Variants in CDC14B observed in about 807,000 individuals in gnomAD.
The protein encoded by CDC14B is cell division cycle 14B.
Under a neutral mutation model 64.2 loss-of-function variants are expected in CDC14B, and 22 were observed. The ratio of observed to expected loss-of-function variants is 0.34; its 90% CI spans 0.24 to 0.49. The LOEUF (loss-of-function observed/expected upper bound fraction) is 0.49, where lower values mean the gene tolerates loss of function less well. CDC14B is among the 20% of genes least tolerant of loss of function. CDC14B has a pLI of 0.99. For synonymous variants in CDC14B, 191 were observed against 215.8 expected, an observed-to-expected ratio of 0.89 and a Z score of 1.01; for missense variants, 498 against 629.9, an observed-to-expected ratio of 0.79 and a Z score of 2.24.
intron 4 of CDC14B, 110 bp downstream of exon 4, chr9:96,562,583 T>G: frequency 1.3e-6 from 1 of 795,336 alleles, no homozygotes. Flanking sequence ...AAACACGTTC[T>G]TTCTGAAGAG....
At chr9:96,618,958 C>T (rs1435074069) in intron 1 of CDC14B, among the ~76,000 whole-genome samples, 1 of 152,106 alleles carries the variant, frequency 6.6e-6, no homozygotes, top group South Asian at 2.1e-4. Flanking sequence ...AGGTGACCCT[C>T]GGTCCATCTT....
At chr9:96,566,358 A>ATT (rs201974662) in intron 1 of CDC14B, among the ~76,000 whole-genome samples, 116 of 140,916 alleles carry the variant, frequency 8.2e-4, no homozygotes, top group Non-Finnish European at 1.2e-3. Flanking sequence ...ATGGTAAACT[A>ATT]TTTTTTTTTT....
chr9:96,520,850 G>A (rs534909749), intron 12 of CDC14B, among the ~76,000 whole-genome samples: 7 of 124,562 alleles, frequency 5.6e-5, no homozygotes, highest in Admixed American at 1.0e-4. Context: ...TTCAACAAGC[G>A]CCCGGGTGCC....
chr9:96,574,651 C>A (rs529767532), intron 1 of CDC14B, among the ~76,000 whole-genome samples: 5 of 143,894 alleles, frequency 3.5e-5, no homozygotes, highest in Non-Finnish European at 7.4e-5. Context: ...GCCGAGATTG[C>A]GCCATTGCAC....
At chr9:96,546,260 G>A (rs1333328111) in intron 5 of CDC14B, among the ~76,000 whole-genome samples, 1 of 152,030 alleles carries the variant, frequency 6.6e-6, no homozygotes, top group East Asian at 1.9e-4. Context: ...CCACAACACA[G>A]GTAAATCTCA....
At chr9:96,581,713 T>C (rs1845170001) in intron 1 of CDC14B, among the ~76,000 whole-genome samples, 1 of 152,054 alleles carries the variant, frequency 6.6e-6, no homozygotes, top group Non-Finnish European at 1.5e-5. Flanking sequence ...TATATTCCTC[T>C]GGGGAGTGAG....
chr9:96,593,645 G>A (rs1335271235), intron 1 of CDC14B, among the ~76,000 whole-genome samples: 2 of 152,022 alleles, frequency 1.3e-5, no homozygotes. Flanking sequence ...GGAAAAATAA[G>A]GAAGAACAAA....
At chr9:96,498,058 G>C (rs1430043573), downstream of CDC14B, among the ~76,000 whole-genome samples, 4 of 152,206 alleles carry the variant, frequency 2.6e-5, no homozygotes, top group African/African-American at 4.8e-5. Flanking sequence ...GCAGAACACG[G>C]ATGCAGTGCT....
chr9:96,542,710 G>C (rs1840239869), intron 5 of CDC14B, among the ~76,000 whole-genome samples: 1 of 150,868 alleles, frequency 6.6e-6, no homozygotes, highest in East Asian at 2.0e-4. Context: ...ACCAAGGCTG[G>C]TCTTAAACTC....
chr9:96,544,971 A>G (rs1840600091), intron 5 of CDC14B, among the ~76,000 whole-genome samples: 1 of 152,226 alleles, frequency 6.6e-6, no homozygotes, highest in Admixed American at 6.5e-5. Flanking sequence ...TCCCCAGGCC[A>G]GCAGCACCAG....
chr9:96,496,393 T>TACCACCACCACC (rs60964390), downstream of CDC14B: 3 of 481,800 alleles, frequency 6.2e-6, no homozygotes, highest in Non-Finnish European at 1.2e-5. Context: ...GCGCTGTACT[T>TACCACCACCACC]ACCACCACCA....
At chr9:96,566,102 C>T (rs1843874114) in intron 1 of CDC14B, among the ~76,000 whole-genome samples, 1 of 152,088 alleles carries the variant, frequency 6.6e-6, no homozygotes, top group South Asian at 2.1e-4. Context: ...CTGAGATGAA[C>T]TTGTGTTGCA....
At position 96,500,437 on chromosome 9, in the gene CDC14B, T is replaced by A. The variant is rs574250820; in HGVS notation, c.*3316A>T. On this transcript the variant is annotated 3_prime_UTR_variant, in exon 14 of 14. Coordinates refer to ENST00000375241, the MANE Select transcript of CDC14B (RefSeq NM_033331.4). ...AATCTGTACATGAGTGCAGGTTAGA[T>A]AAAAGTCTGCAAATTATTAATAGAA... 3.9e-5 allele frequency: 6 copies of A among 152,692 alleles called. No homozygotes were observed. Among genetic ancestry groups the A allele is most frequent in the Non-Finnish European group, 7.3e-5 (5 of 68,046 alleles). 9.5% of individuals were successfully genotyped at this position (152,692 alleles called of 1,614,324 possible).
At chr9:96,581,040 A>C (rs1347167847) in intron 1 of CDC14B, among the ~76,000 whole-genome samples, 9 of 151,900 alleles carry the variant, frequency 5.9e-5, no homozygotes, top group Non-Finnish European at 1.3e-4. Context: ...GACCAGCCTG[A>C]CCAACATAGT....
intron 13 of CDC14B, among the ~76,000 whole-genome samples, chr9:96,505,972 T>G (rs1342753792): frequency 6.6e-6 from 1 of 152,188 alleles, no homozygotes; most frequent in African/African-American, 2.4e-5. Context: ...TTTGAAAAAG[T>G]TCCCCAAAGC....
chr9:96,604,755 G>C (rs1846768975), intron 1 of CDC14B, among the ~76,000 whole-genome samples: 1 of 151,450 alleles, frequency 6.6e-6, no homozygotes, highest in African/African-American at 2.4e-5. Flanking sequence ...TGCAACTTCA[G>C]CCTCCTGGGT....
At chr9:96,540,494 A>G (rs1839893963) in intron 6 of CDC14B, among the ~76,000 whole-genome samples, 1 of 152,220 alleles carries the variant, frequency 6.6e-6, no homozygotes, top group African/African-American at 2.4e-5. Context: ...TTAGCTGAGC[A>G]TAGCAGAAAA....
chr9:96,590,115 T>G (rs1008659775), intron 1 of CDC14B, among the ~76,000 whole-genome samples: 11 of 152,190 alleles, frequency 7.2e-5, no homozygotes, highest in Admixed American at 5.9e-4. Flanking sequence ...AAACTGAAAC[T>G]CTATATCCAC....
At chr9:96,609,561 C>T (rs1847179555) in intron 1 of CDC14B, among the ~76,000 whole-genome samples, 1 of 152,076 alleles carries the variant, frequency 6.6e-6, no homozygotes, top group Non-Finnish European at 1.5e-5. Context: ...TTCCATAGCA[C>T]CATTCATATA....
Sources: gnomAD v4.1 joint callset for allele counts (sites outside exome capture counted in the v4.1 genomes callset) on GRCh38, gnomAD v4.1.1 for gene constraint, MANE v1.5 for transcripts, NCBI Gene and HGNC (gene_info 2026-07-23, HGNC 2026-07-21) for gene names.